Variants in COLEC12 observed in about 807,000 individuals in gnomAD.
COLEC12 encodes the protein collectin subfamily member 12, also known as collectin-12.
In COLEC12, 33 loss-of-function variants were observed where a neutral mutation model predicts 71.1. The ratio of observed to expected loss-of-function variants is 0.46; its 90% CI spans 0.35 to 0.62. COLEC12 has a LOEUF of 0.62. COLEC12 is among the 20% of genes least tolerant of loss of function. The probability of loss-of-function intolerance (pLI) is 0.00; values close to 1 mark genes in which losing one functional copy is unlikely to be tolerated. For synonymous variants in COLEC12, 350 were observed against 353.0 expected (o/e 0.99, Z 0.10); for missense variants, 765 against 916.1 (o/e 0.84, Z 2.13).
At chr18:484,809 T>C (rs1026008919) in intron 1 of COLEC12, among the ~76,000 whole-genome samples, 5 of 152,180 alleles carry the variant, frequency 3.3e-5, no homozygotes, top group African/African-American at 7.2e-5. Flanking sequence ...GGTGCACAGT[T>C]TACTCGCTTA....
intron 1 of COLEC12, among the ~76,000 whole-genome samples, chr18:487,012 G>GC (rs1383712783): frequency 6.6e-6 from 1 of 152,112 alleles, no homozygotes. Flanking sequence ...ACAAAAATCT[G>GC]CACCTGAATG....
chr18:449,820 G>A (rs1437638797), intron 2 of COLEC12, among the ~76,000 whole-genome samples: 3 of 152,196 alleles, frequency 2.0e-5, no homozygotes, highest in African/African-American at 7.2e-5. Flanking sequence ...ACCTGGCTGA[G>A]ACTTTCTCAG....
chr18:444,627 T>C (rs1916609957), intron 2 of COLEC12, among the ~76,000 whole-genome samples: 1 of 152,128 alleles, frequency 6.6e-6, no homozygotes, highest in Admixed American at 6.6e-5. Flanking sequence ...TTTAATTTTT[T>C]GGAGGTGGGG....
chr18:393,120 T>G (rs183202571), intron 2 of COLEC12, among the ~76,000 whole-genome samples: 1 of 152,366 alleles, frequency 6.6e-6, no homozygotes, highest in Admixed American at 6.5e-5. Context: ...TGAATTGTTC[T>G]GGTCCCATGT....
intron 2 of COLEC12, among the ~76,000 whole-genome samples, chr18:417,427 CTA>C (rs1916008892): frequency 6.6e-6 from 1 of 152,212 alleles, no homozygotes; most frequent in South Asian, 2.1e-4. Context: ...CAGTGCATGA[CTA>C]TGTGTGTTTT....
chr18:441,196 C>A (rs563174510), intron 2 of COLEC12, among the ~76,000 whole-genome samples: 42 of 148,712 alleles, frequency 2.8e-4, no homozygotes, highest in African/African-American at 3.9e-4. Context: ...TGCAGTGAGC[C>A]GAGATTGTGC....
intron 2 of COLEC12, among the ~76,000 whole-genome samples, chr18:470,423 T>C (rs949356756): frequency 1.4e-4 from 21 of 151,000 alleles, no homozygotes; most frequent in Admixed American, 1.3e-3. Flanking sequence ...TTAATAGAGA[T>C]GGGGTTTCAC....
chr18:427,361 T>C (rs1916217175), intron 2 of COLEC12, among the ~76,000 whole-genome samples: 1 of 152,064 alleles, frequency 6.6e-6, no homozygotes, highest in African/African-American at 2.4e-5. Context: ...GCAAGCGAGG[T>C]GAGCGTCCTA....
At chr18:486,070 T>A (rs1372256432) in intron 1 of COLEC12, among the ~76,000 whole-genome samples, 2 of 152,248 alleles carry the variant, frequency 1.3e-5, no homozygotes, top group Non-Finnish European at 2.9e-5. Flanking sequence ...AGGAAAAAGA[T>A]AAAGTCTTTC....
Position 446,538 on chromosome 18 carries a change from T to TGA in COLEC12, c.58+34168_58+34169insTC, listed in dbSNP as rs1393779375. Among the ~76,000 whole-genome samples, 451 of 115,202 alleles carry TGA rather than the reference T, an allele frequency of 3.9e-3. 2 individuals carry two copies. The highest frequency in any genetic ancestry group is 0.017 in the Middle Eastern group (4 of 230). The allele number at this position is 115,202 out of a possible 152,430, so 75.6% of individuals were successfully genotyped here. A position where few individuals can be genotyped will look rare whatever the true frequency, so the allele number is the denominator to read the frequency against. On this transcript the variant is annotated intron_variant, in intron 2 of 9. Transcript: ENST00000400256. ...GCAACATAGCAAGACCCTATCTCTG[T>TGA]AAAAAAAAAAAAAAAATTTTTTTTT...
In COLEC12 at chr18:500,494, T is replaced by C; in HGVS notation, c.7+14A>G. On this transcript the variant is annotated intron_variant, in intron 1 of 9. Transcript: ENST00000400256. The surrounding 1 kb of genome is among the most constrained non-coding windows in gnomAD (Gnocchi z 5.3). ...CCCCCCGCCCAGAGCCCCGCGGAGCTGCCGCCGCCCTACCTTTCATGGTGA... is the reference window on the plus strand; with the variant it reads ...CCCCCCGCCCAGAGCCCCGCGGAGCCGCCGCCGCCCTACCTTTCATGGTGA... 1 of 1,226,758 alleles carries C rather than the reference T, an allele frequency of 8.2e-7. No individual in the cohort carries two copies. The highest frequency in any genetic ancestry group is 1.0e-6 in the Non-Finnish European group (1 of 984,614). The allele number at this position is 1,226,758 out of a possible 1,614,324, so 76.0% of individuals were successfully genotyped here.
At chr18:433,529 T>A (rs1037090502) in intron 2 of COLEC12, among the ~76,000 whole-genome samples, 2 of 152,140 alleles carry the variant, frequency 1.3e-5, no homozygotes, top group African/African-American at 4.8e-5. Context: ...TAGGAGATGT[T>A]GCATTCCCCA....
intron 2 of COLEC12, among the ~76,000 whole-genome samples, chr18:475,163 C>T (rs1199526307): frequency 6.6e-6 from 1 of 152,174 alleles, no homozygotes; most frequent in East Asian, 1.9e-4. Flanking sequence ...TAACTTGATG[C>T]AAATGGTTTT....
intron 2 of COLEC12, among the ~76,000 whole-genome samples, chr18:418,448 T>C (rs1354754355): frequency 6.6e-6 from 1 of 152,188 alleles, no homozygotes; most frequent in African/African-American, 2.4e-5. Flanking sequence ...GTCAGAGGCA[T>C]GTGAACCAGA....
In COLEC12 at chr18:334,823, G is replaced by A. The variant is rs752299235; in HGVS notation, c.1735C>T (p.Pro579Ser). The A allele has an allele frequency of 1.3e-6, 2 of 1,518,194 alleles. No individual in the cohort carries two copies. Among genetic ancestry groups the A allele is most frequent in the Non-Finnish European group, 1.8e-6 (2 of 1,140,912 alleles). 94.0% of individuals were successfully genotyped at this position (1,518,194 alleles called of 1,614,324 possible). A position where few individuals can be genotyped will look rare whatever the true frequency, so the allele number is the denominator to read the frequency against. ...GVPGMPGPKG[P>S]PGPPGPSGAV... The stretch of plus-strand genomic sequence containing the variant: ...CCTGATGGGCCAGGAGGGCCGGGGG[G>A]GCCCTTGGGGCCTGGCATGCCTGGT... Residue 579 changes from proline to serine, a missense_variant, in exon 6 of 10, where the codon CCC becomes TCC. By Grantham distance (74) the Pro-to-Ser change is moderately conservative (BLOSUM62 -1). Transcript: ENST00000400256.
At chr18:421,639 C>T (rs1050306999) in intron 2 of COLEC12, among the ~76,000 whole-genome samples, 2 of 152,138 alleles carry the variant, frequency 1.3e-5, no homozygotes, top group African/African-American at 4.8e-5. Context: ...CACAGAAAGT[C>T]GGTGCTGAAG....
At chr18:441,044 G>C (rs111633569) in intron 2 of COLEC12, among the ~76,000 whole-genome samples, 9,874 of 149,598 alleles carry the variant, frequency 0.066, 476 homozygotes, top group Admixed American at 0.14. Context: ...GCCAGGAGAT[G>C]GAGACCATCC....
intron 2 of COLEC12, among the ~76,000 whole-genome samples, chr18:479,579 C>G (rs938119985): frequency 1.3e-5 from 2 of 152,054 alleles, no homozygotes; most frequent in Non-Finnish European, 2.9e-5. Context: ...CACACACACA[C>G]TCACTCACAC....
chr18:468,256 C>T (rs1307312491), intron 2 of COLEC12, among the ~76,000 whole-genome samples: 24 of 101,504 alleles, frequency 2.4e-4, no homozygotes, highest in African/African-American at 6.7e-4. Context: ...AGTGAGACTC[C>T]GTCTCAAAAA....
Sources: allele counts gnomAD v4.1 joint callset (sites outside exome capture counted in the v4.1 genomes callset), GRCh38; gene constraint gnomAD v4.1.1; non-coding constraint Gnocchi (gnomAD v3.1); transcripts MANE v1.5; gene names NCBI Gene and HGNC (gene_info 2026-07-23, HGNC 2026-07-21).